GABPB2: variants seen among roughly 807,000 people sequenced by gnomAD.
GABPB2 encodes GA binding protein transcription factor subunit beta 2, also known as GA-binding protein subunit beta-2.
In GABPB2, 23 loss-of-function variants were observed where a neutral mutation model predicts 39.1. The observed-to-expected ratio is 0.59, with a 90% CI of 0.42 to 0.83. The LOEUF (loss-of-function observed/expected upper bound fraction) is 0.83, where lower values mean the gene tolerates loss of function less well. Ranked by LOEUF, GABPB2 falls within the 40% of genes least tolerant of loss-of-function variation. GABPB2 has a pLI of 0.00. For missense variants in GABPB2, 467 were observed against 541.1 expected, an observed-to-expected ratio of 0.86 and a Z score of 1.36; for synonymous variants, 184 against 199.3, an observed-to-expected ratio of 0.92 and a Z score of 0.65.
intron 7 of GABPB2, 111 bp from the exon 8 acceptor site, chr1:151,117,281 A>T: frequency 8.5e-7 from 1 of 1,174,712 alleles, no homozygotes; most frequent in Non-Finnish European, 1.2e-6. Context: ...GGCACACACC[A>T]CTGTACCCAA....
At chr1:151,093,441 T>C in intron 4 of GABPB2, 55 bp downstream of exon 4, 1 of 1,400,460 alleles carries the variant, frequency 7.1e-7, no homozygotes, top group Non-Finnish European at 9.6e-7. Flanking sequence ...TAAGGATTTT[T>C]TTGTAGGAGC....
In GABPB2 at chr1:151,103,565, A is replaced by T. The variant is rs1041430885; in HGVS notation, c.626A>T (p.Asp209Val). Reference protein sequence around the residue: ...SSTNTKTTSGDPHASTVQFSN... With the variant: ...SSTNTKTTSGVPHASTVQFSN... Reference sequence around the variant, plus strand: ...TTTGTCTTTCTTACTGAAATAGGTGACCCCCATGCCTCAACAGTACAGTTT... The same window carrying T: ...TTTGTCTTTCTTACTGAAATAGGTGTCCCCCATGCCTCAACAGTACAGTTT... Residue 209 changes from aspartate (D) to valine (V), a missense_variant, in exon 6 of 9, where the codon GAC (aspartate) becomes GTC (valine). Physicochemically the swap from Asp to Val is radical, Grantham distance 152. Coordinates refer to ENST00000368918, the MANE Select transcript of GABPB2 (RefSeq NM_144618.3). 1.2e-6 allele frequency: 2 copies of T among 1,608,814 alleles called. No homozygotes were observed. Among genetic ancestry groups the T allele is most frequent in the Non-Finnish European group, 1.7e-6 (2 of 1,176,162 alleles).
chr1:151,093,480 A>G, intron 4 of GABPB2, 94 bp downstream of exon 4: 1 of 924,728 alleles, frequency 1.1e-6, no homozygotes, highest in Non-Finnish European at 1.6e-6. Context: ...TCCCTATTTT[A>G]TTAAAGTAGC....
At position 151,087,409 on chromosome 1, in the gene GABPB2, G is replaced by A. The variant is rs587715289; in HGVS notation, c.1-781G>A. On this transcript the variant is annotated intron_variant, in intron 1 of 8. Transcript: ENST00000368918. ...CGCCTGTAATCCCAACACTTTGGGAGGCTGAGGTGGGTGGATCACTTGAGG... is the reference window on the plus strand; with the variant it reads ...CGCCTGTAATCCCAACACTTTGGGAAGCTGAGGTGGGTGGATCACTTGAGG... Among the ~76,000 whole-genome samples the A allele has an allele frequency of 3.9e-5, 6 of 152,136 alleles. No individual in the cohort carries two copies. In the South Asian group the frequency reaches 1.2e-3, roughly 32 times the overall value.
intron 4 of GABPB2, among the ~76,000 whole-genome samples, chr1:151,097,260 T>C (rs1292775721): frequency 1.3e-5 from 2 of 152,062 alleles, no homozygotes; most frequent in African/African-American, 2.4e-5. Context: ...TAGAGGTTGA[T>C]TGAATTGTCT....
chr1:151,117,482 TAGG>T lies in GABPB2; in HGVS notation c.1016_1018del (p.Gly339del), dbSNP rs1394324750. On this transcript the variant is annotated inframe_deletion, in exon 8 of 9. Coordinates refer to ENST00000368918, the MANE Select transcript of GABPB2 (RefSeq NM_144618.3). ...TTGCCACTAACAAAGAAACCAAGGATAGGAGAGAAGACAAACAGTGTGGAGGAA... is the reference window on the plus strand; with the variant it reads ...TTGCCACTAACAAAGAAACCAAGGATAGAGAAGACAAACAGTGTGGAGGAA... 13 of 1,613,936 alleles carry T rather than the reference TAGG, an allele frequency of 8.1e-6. No homozygotes were observed. The highest frequency in any genetic ancestry group is 2.2e-5 in the East Asian group (1 of 44,866).
At position 151,117,522 on chromosome 1, in the gene GABPB2, G is replaced by A; in HGVS notation, c.1047+6G>A. 2 of 1,612,438 alleles carry A rather than the reference G, an allele frequency of 1.2e-6. No homozygotes were observed. Among genetic ancestry groups the A allele is most frequent in the Non-Finnish European group, 1.7e-6 (2 of 1,179,550 alleles). The stretch of plus-strand genomic sequence containing the variant: ...ACAGTGTGGAGGAAAGCAAGGTAAT[G>A]TTTTTAGGAGTGATGAAAAGAATTT... On this transcript the variant is annotated splice_donor_region_variant and intron_variant, in intron 8 of 8. Transcript: ENST00000368918.
At position 151,118,302 on chromosome 1, in the gene GABPB2, TA is replaced by T. The variant is rs770493264; in HGVS notation, c.*52del. ...CACTGTGTTCATATTAATCCTCTTTTAAAAAAGGAAATATACAGAAGACAAA... is the reference window on the plus strand; with the variant it reads ...CACTGTGTTCATATTAATCCTCTTTTAAAAAGGAAATATACAGAAGACAAA... On this transcript the variant is annotated 3_prime_UTR_variant, in exon 9 of 9. Transcript: ENST00000368918. 1 of 1,519,482 alleles carries T rather than the reference TA, an allele frequency of 6.6e-7. No homozygotes were observed. The highest frequency in any genetic ancestry group is 1.2e-5 in the South Asian group (1 of 81,468). The allele number at this position is 1,519,482 out of a possible 1,614,324, so 94.1% of individuals were successfully genotyped here. A position where few individuals can be genotyped will look rare whatever the true frequency, so the allele number is the denominator to read the frequency against.
At position 151,118,262 on chromosome 1, in the gene GABPB2, A is replaced by G; in HGVS notation, c.*6A>G. 2.5e-6 allele frequency: 4 copies of G among 1,609,286 alleles called. No homozygotes were observed. Among genetic ancestry groups the G allele is most frequent in the East Asian group, 2.2e-5 (1 of 44,816 alleles). ...TGGCAACTGTTTCATCTTAATATGC[A>G]AGGGCCACAATTTGCACTGTGTTCA... On this transcript the variant is annotated 3_prime_UTR_variant, in exon 9 of 9. Coordinates refer to ENST00000368918, the MANE Select transcript of GABPB2 (RefSeq NM_144618.3).
At position 151,097,991 on chromosome 1, in the gene GABPB2, A is replaced by G. The variant is rs1679230394; in HGVS notation, c.611A>G (p.Lys204Arg). The change falls in exon 5 of 9, where the codon AAA becomes AGA. Residue 204 changes from lysine (K) to arginine (R), a missense_variant. Coordinates refer to ENST00000368918, the MANE Select transcript of GABPB2 (RefSeq NM_144618.3). ...LASLISSTNTKTTSGDPHAST... is the reference protein window; with the variant it reads ...LASLISSTNTRTTSGDPHAST... ...AGCCTTATTTCTTCAACCAACACCAAAACAACCTCAGGTAATGTTCTGATA... is the reference window on the plus strand; with the variant it reads ...AGCCTTATTTCTTCAACCAACACCAGAACAACCTCAGGTAATGTTCTGATA... The G allele has an allele frequency of 3.1e-6, 5 of 1,614,020 alleles. No homozygotes were observed. Among genetic ancestry groups the G allele is most frequent in the Non-Finnish European group, 4.2e-6 (5 of 1,179,970 alleles).
intron 5 of GABPB2, among the ~76,000 whole-genome samples, chr1:151,102,464 A>G (rs1679606160): frequency 6.6e-6 from 1 of 152,096 alleles, no homozygotes; most frequent in Non-Finnish European, 1.5e-5. Context: ...ATTTATTGAG[A>G]TGGAGTCTTT....
intron 7 of GABPB2, among the ~76,000 whole-genome samples, chr1:151,109,012 C>G (rs1184431801): frequency 6.6e-6 from 1 of 151,852 alleles, no homozygotes; most frequent in Non-Finnish European, 1.5e-5. Context: ...CATAGCAAGA[C>G]CCCCTCATCT....
At chr1:151,090,880 C>T (rs752850756) in intron 3 of GABPB2, among the ~76,000 whole-genome samples, 3 of 151,590 alleles carry the variant, frequency 2.0e-5, no homozygotes, top group South Asian at 2.1e-4. Context: ...CGACTGTAAT[C>T]GCAGCTACTC....
intron 3 of GABPB2, among the ~76,000 whole-genome samples, chr1:151,090,916 T>TG (rs1395645891): frequency 6.6e-5 from 10 of 151,750 alleles, no homozygotes; most frequent in Non-Finnish European, 1.0e-4. Flanking sequence ...GAGAATCGCT[T>TG]GAACCTGGGA....
intron 1 of GABPB2, among the ~76,000 whole-genome samples, chr1:151,078,970 CTACA>C (rs1677425668): frequency 6.6e-6 from 1 of 151,838 alleles, no homozygotes; most frequent in South Asian, 2.1e-4. Flanking sequence ...CTGTGCCTGG[CTACA>C]TTTTACTTTT....
chr1:151,109,240 A>G (rs1427512655), intron 7 of GABPB2, among the ~76,000 whole-genome samples: 5 of 150,802 alleles, frequency 3.3e-5, no homozygotes, highest in African/African-American at 1.2e-4. Flanking sequence ...GGGTACTGGT[A>G]TAATTTCCTT....
intron 5 of GABPB2, among the ~76,000 whole-genome samples, 154 bp from the exon 6 acceptor site, chr1:151,103,408 A>G (rs991372070): frequency 1.3e-5 from 2 of 152,178 alleles, no homozygotes; most frequent in Non-Finnish European, 2.9e-5. Flanking sequence ...AAAGAATTTT[A>G]ACACTGATAT....
intron 1 of GABPB2, among the ~76,000 whole-genome samples, chr1:151,078,403 C>T (rs966482584): frequency 4.6e-5 from 7 of 152,056 alleles, no homozygotes; most frequent in Non-Finnish European, 8.8e-5. Flanking sequence ...CCCATCCTGG[C>T]TAACACGGTG....
At chr1:151,097,158 C>T (rs1403213960) in intron 4 of GABPB2, among the ~76,000 whole-genome samples, 2 of 151,906 alleles carry the variant, frequency 1.3e-5, no homozygotes, top group Non-Finnish European at 2.9e-5. Context: ...GTGGTCCACC[C>T]GCCTCAGCCT....
Sources: gnomAD v4.1 joint callset for allele counts (sites outside exome capture counted in the v4.1 genomes callset) on GRCh38, gnomAD v4.1.1 for gene constraint, MANE v1.5 for transcripts, NCBI Gene and HGNC (gene_info 2026-07-23, HGNC 2026-07-21) for gene names.